The following UNC93A variants were observed in gnomAD, a reference collection of about 807,000 sequenced individuals.
The protein encoded by UNC93A is unc-93 homolog A, also known as N-acetylglucosamine transporter UNC93A.
Under a neutral mutation model 47.5 loss-of-function variants are expected in UNC93A, and 43 were observed. The ratio of observed to expected loss-of-function variants is 0.91; its 90% CI spans 0.71 to 1.17. The LOEUF (loss-of-function observed/expected upper bound fraction) is 1.17. Ranked by LOEUF, UNC93A falls within the 50% of genes most tolerant of loss-of-function variation. The pLI, the probability that UNC93A is intolerant of heterozygous loss-of-function variation, is 0.00. For missense variants in UNC93A, 605 were observed against 577.6 expected (o/e 1.05, Z -0.49); for synonymous variants, 280 against 258.0 (o/e 1.09, Z -0.82).
chr6:167,294,498 G>A lies in UNC93A; in HGVS notation c.88-19G>A, dbSNP rs757701587. On this transcript the variant is annotated intron_variant, in intron 1 of 7. Transcript: ENST00000230256. ...TGTGTCCATCCTGTGCTCTGACAGG[G>A]CTGGCTTTGTTCCCACAGAGCAGCC... 2 of 1,613,240 alleles carry A rather than the reference G, an allele frequency of 1.2e-6. No individual in the cohort carries two copies. The highest frequency in any genetic ancestry group is 2.2e-5 in the South Asian group (2 of 91,060).
upstream of UNC93A, among the ~76,000 whole-genome samples, chr6:167,289,626 C>T (rs1404521464): frequency 6.6e-5 from 10 of 151,818 alleles, no homozygotes; most frequent in African/African-American, 2.4e-4. Flanking sequence ...GAAGAGCAGC[C>T]TCTGGAAACA....
upstream of UNC93A, among the ~76,000 whole-genome samples, chr6:167,290,299 A>C (rs1371985996): frequency 6.6e-6 from 1 of 152,196 alleles, no homozygotes; most frequent in Non-Finnish European, 1.5e-5. Flanking sequence ...ATTTTCACTG[A>C]AATACATTAA....
intron 4 of UNC93A, among the ~76,000 whole-genome samples, chr6:167,303,041 G>A (rs767838471): frequency 1.8e-4 from 27 of 152,224 alleles, no homozygotes; most frequent in Non-Finnish European, 3.1e-4. Flanking sequence ...GTGAAAATCC[G>A]TGGTACATGT....
chr6:167,284,349 G>A (rs1300459038), intron 1 of UNC93A, among the ~76,000 whole-genome samples: 7 of 151,988 alleles, frequency 4.6e-5, no homozygotes, highest in African/African-American at 1.7e-4. Flanking sequence ...CATGCAGTTG[G>A]TGTTAACTAA....
Position 167,306,013 on chromosome 6 carries a change from C to G in UNC93A, c.939C>G (p.Val313=). The part of the protein sequence containing the change: ...DALCSVLYGK[V]SQYTGRAVLY... The stretch of plus-strand genomic sequence containing the variant: ...TGTGCTCCGTGTTGTATGGAAAGGT[C>G]TCGCAGTACACGGGCAGGGCTGTGC... Residue 313 remains valine, a synonymous_variant, in exon 6 of 8, where the codon GTC becomes GTG. Transcript: ENST00000230256. The G allele has an allele frequency of 6.2e-7, 1 of 1,614,220 alleles. No individual in the cohort carries two copies. The highest frequency in any genetic ancestry group is 8.5e-7 in the Non-Finnish European group (1 of 1,180,054).
chr6:167,298,725 A>G (rs1017177939), intron 4 of UNC93A, among the ~76,000 whole-genome samples: 1 of 152,166 alleles, frequency 6.6e-6, no homozygotes, highest in African/African-American at 2.4e-5. Flanking sequence ...TAATAGTTTC[A>G]TATGTGACTT....
At chr6:167,293,417 C>T (rs1288310662) in intron 1 of UNC93A, among the ~76,000 whole-genome samples, 2 of 152,162 alleles carry the variant, frequency 1.3e-5, no homozygotes, top group African/African-American at 2.4e-5. Context: ...GGCCTATTGT[C>T]GGCAGCTGAC....
chr6:167,301,780 C>T (rs530077351), intron 4 of UNC93A, among the ~76,000 whole-genome samples: 2 of 152,320 alleles, frequency 1.3e-5, no homozygotes, highest in East Asian at 1.9e-4. Flanking sequence ...AAGGCGCTGC[C>T]TTCAGTGAGT....
intron 1 of UNC93A, among the ~76,000 whole-genome samples, chr6:167,285,198 C>T (rs1010228230): frequency 3.3e-5 from 5 of 150,090 alleles, no homozygotes; most frequent in African/African-American, 1.2e-4. Context: ...CCCAGTCACA[C>T]TCCCTGCCAC....
In UNC93A at chr6:167,281,762, G is replaced by A. The variant is rs184504171; in HGVS notation, c.-51-9677G>A. Among the ~76,000 whole-genome samples the A allele has an allele frequency of 1.1e-4, 16 of 152,294 alleles. No individual in the cohort carries two copies. In the South Asian group the frequency reaches 3.1e-3, roughly 30 times the overall value. The stretch of plus-strand genomic sequence containing the variant: ...TGATGTCCACAAGTCAAGCCAAGCA[G>A]TGGGCTGTTCAGAAGCTGGCCCAGC... On this transcript the variant is annotated intron_variant, in intron 1 of 3. Transcript: ENST00000503433.
At chr6:167,309,873 A>T (rs114205142) in intron 7 of UNC93A, among the ~76,000 whole-genome samples, 2,418 of 152,150 alleles carry the variant, frequency 0.016, 76 homozygotes, top group African/African-American at 0.056. Flanking sequence ...CTTCACCAAA[A>T]TGCGTGTGTA....
rs190710216 is a variant in UNC93A at position 167,311,493 on chromosome 6, C to T, written c.1108+3583C>T. ...TGCAGTTGCCATGGCAACCCTTCCC[C>T]GCCAATGCGCTGCCATGAAGATACA... On this transcript the variant is annotated intron_variant, in intron 7 of 7. Transcript: ENST00000230256. Among the ~76,000 whole-genome samples, 205 of 152,344 alleles carry T rather than the reference C, an allele frequency of 1.3e-3. 7 individuals carry two copies. The East Asian group carries it at 0.03, about 23-fold the overall frequency.
At chr6:167,305,765 A>C (rs1778367924) in intron 5 of UNC93A, 150 bp from the exon 6 acceptor site, 5 of 1,100,776 alleles carry the variant, frequency 4.5e-6, no homozygotes, top group Non-Finnish European at 6.6e-6. Flanking sequence ...TTTCTCCTGC[A>C]TGGGAGCCAC....
Position 167,296,115 on chromosome 6 carries a change from C to T in UNC93A, c.353C>T (p.Thr118Met), listed in dbSNP as rs34631973. The T allele has an allele frequency of 1.2e-3, 1,947 of 1,614,206 alleles. 30 individuals carry two copies. In the African/African-American group the frequency reaches 0.023, roughly 19 times the overall value. Residue 118 changes from threonine (T) to methionine (M), a missense_variant, in exon 3 of 8, where the codon ACG becomes ATG. Thr to Met is a moderately conservative substitution (Grantham distance 81, BLOSUM62 -1). Coordinates refer to ENST00000230256, the MANE Select transcript of UNC93A (RefSeq NM_018974.4). The stretch of plus-strand genomic sequence containing the variant: ...GCACAGTGCACATACCTCACGATCA[C>T]GGGAAACACACATGCAGAGAAGGCG... ...WSAQCTYLTITGNTHAEKAGK... is the reference protein window; with the variant it reads ...WSAQCTYLTIMGNTHAEKAGK...
intron 1 of UNC93A, among the ~76,000 whole-genome samples, chr6:167,281,160 C>T (rs992223929): frequency 6.6e-6 from 1 of 151,380 alleles, no homozygotes; most frequent in African/African-American, 2.4e-5. Flanking sequence ...AGAGGAGCCT[C>T]GGTAGGTCAT....
intron 1 of UNC93A, among the ~76,000 whole-genome samples, chr6:167,292,191 T>C (rs1255248475): frequency 6.6e-6 from 1 of 152,214 alleles, no homozygotes; most frequent in Non-Finnish European, 1.5e-5. Context: ...GTCTGATCTT[T>C]ACCTGGATTC....
At chr6:167,280,343 CT>C (rs1002313063) in intron 1 of UNC93A, among the ~76,000 whole-genome samples, 1 of 152,160 alleles carries the variant, frequency 6.6e-6, no homozygotes, top group Non-Finnish European at 1.5e-5. Flanking sequence ...ATGCTGTGTG[CT>C]TTCAAGGGAA....
chr6:167,281,494 T>C (rs1479698357), intron 1 of UNC93A, among the ~76,000 whole-genome samples: 1 of 152,154 alleles, frequency 6.6e-6, no homozygotes, highest in Non-Finnish European at 1.5e-5. Flanking sequence ...TAACACTCAC[T>C]CCCTGGCCTG....
upstream of UNC93A, among the ~76,000 whole-genome samples, chr6:167,288,426 T>C (rs951594978): frequency 4.7e-5 from 7 of 149,878 alleles, no homozygotes; most frequent in Non-Finnish European, 8.8e-5. Flanking sequence ...GCCATGGTTG[T>C]GTTAGCACAA....
Sources: gnomAD v4.1 joint callset for allele counts (sites outside exome capture counted in the v4.1 genomes callset) on GRCh38, gnomAD v4.1.1 for gene constraint, MANE v1.5 for transcripts, NCBI Gene and HGNC (gene_info 2026-07-23, HGNC 2026-07-21) for gene names.